Variants in KIF26B observed in about 807,000 individuals in gnomAD.
The protein encoded by KIF26B is kinesin family member 26B, also known as kinesin-like protein KIF26B.
KIF26B carries 63 observed loss-of-function variants against 151.2 expected under a neutral mutation model. The ratio of observed to expected loss-of-function variants is 0.42; its 90% CI spans 0.34 to 0.51. The LOEUF is 0.51. Among genes scored for constraint, KIF26B ranks in the 20% least tolerant of loss-of-function variants. KIF26B has a pLI of 0.07. For missense variants in KIF26B, 2,813 were observed against 2,913.6 expected (o/e 0.97, Z 0.79); for synonymous variants, 1,357 against 1,262.1 (o/e 1.08, Z -1.59).
At chr1:245,629,051 G>T (rs2043753198) in intron 9 of KIF26B, among the ~76,000 whole-genome samples, 1 of 152,078 alleles carries the variant, frequency 6.6e-6, no homozygotes, top group Non-Finnish European at 1.5e-5. Context: ...GAATGCGAAG[G>T]ACCCCTTCAA....
At chr1:245,174,503 T>C (rs114711265) in intron 2 of KIF26B, among the ~76,000 whole-genome samples, 2 of 150,248 alleles carry the variant, frequency 1.3e-5, no homozygotes, top group Non-Finnish European at 3.0e-5. Flanking sequence ...TATGTACTTA[T>C]TTATTTATTT....
chr1:245,561,874 A>C (rs934039006), intron 5 of KIF26B, among the ~76,000 whole-genome samples: 30 of 152,126 alleles, frequency 2.0e-4, no homozygotes, highest in Admixed American at 8.5e-4. Flanking sequence ...CCTGATTCTC[A>C]CTACTGACGT....
chr1:245,654,510 C>G (rs1001060830), intron 10 of KIF26B, among the ~76,000 whole-genome samples: 3 of 152,122 alleles, frequency 2.0e-5, no homozygotes, highest in African/African-American at 7.2e-5. Context: ...AAGCTTCACC[C>G]TATTTCATGA....
intron 3 of KIF26B, among the ~76,000 whole-genome samples, chr1:245,389,025 CCTCT>C (rs1157672163): frequency 6.6e-6 from 1 of 152,008 alleles, no homozygotes; most frequent in Non-Finnish European, 1.5e-5. Context: ...TCTGTCTCTC[CCTCT>C]CTCTCTCTTG....
At chr1:245,277,918 C>T (rs927252331) in intron 2 of KIF26B, among the ~76,000 whole-genome samples, 1 of 152,118 alleles carries the variant, frequency 6.6e-6, no homozygotes, top group Non-Finnish European at 1.5e-5. Flanking sequence ...TTCTTGTCCC[C>T]TTTCATGGTC....
intron 2 of KIF26B, among the ~76,000 whole-genome samples, chr1:245,179,207 A>C (rs934685911): frequency 1.3e-5 from 2 of 152,204 alleles, no homozygotes; most frequent in Non-Finnish European, 2.9e-5. Flanking sequence ...AATTCTCCAG[A>C]GAATGCTTTA....
At chr1:245,373,409 G>A (rs961245326) in intron 3 of KIF26B, among the ~76,000 whole-genome samples, 7 of 152,164 alleles carry the variant, frequency 4.6e-5, no homozygotes, top group African/African-American at 1.7e-4. Flanking sequence ...GAACCTCGCT[G>A]GCATTTCGAT....
At chr1:245,399,248 A>G (rs950894191) in intron 3 of KIF26B, among the ~76,000 whole-genome samples, 2 of 152,052 alleles carry the variant, frequency 1.3e-5, no homozygotes, top group Non-Finnish European at 1.5e-5. Flanking sequence ...GGTATTTCTT[A>G]TTTAGGGTAC....
chr1:245,383,763 G>C (rs983815050), intron 3 of KIF26B, among the ~76,000 whole-genome samples: 1 of 152,198 alleles, frequency 6.6e-6, no homozygotes, highest in Admixed American at 6.5e-5. Flanking sequence ...ATGAACGGTG[G>C]TTGCTGGTGC....
intron 4 of KIF26B, among the ~76,000 whole-genome samples, chr1:245,521,112 C>G (rs568769959): frequency 6.6e-6 from 1 of 152,026 alleles, no homozygotes; most frequent in Non-Finnish European, 1.5e-5. Flanking sequence ...CCGAGGCGGG[C>G]GGATCACGAG....
At position 245,241,963 on chromosome 1, in the gene KIF26B, G is replaced by A. The variant is rs79507049; in HGVS notation, c.465+85280G>A. ...CGTTGTCATTCCTTGAAATTCTCAC[G>A]CCTTCTAGATCCTCTGTGCTTTTCA... On this transcript the variant is annotated intron_variant, in intron 2 of 14. Transcript: ENST00000407071. This position sits in a 1 kb window ranked among gnomAD's most constrained non-coding sequence, Gnocchi z 5.0. Among the ~76,000 whole-genome samples the A allele has an allele frequency of 8.1e-4, 123 of 152,156 alleles. 1 individual carries two copies. Among genetic ancestry groups the A allele is most frequent in the African/African-American group, 2.8e-3 (117 of 41,514 alleles).
intron 3 of KIF26B, among the ~76,000 whole-genome samples, chr1:245,417,834 A>C (rs1191630493): frequency 6.6e-6 from 1 of 152,188 alleles, no homozygotes; most frequent in South Asian, 2.1e-4. Context: ...TTTGCAGGGC[A>C]CCTGCAGGAC....
intron 2 of KIF26B, among the ~76,000 whole-genome samples, chr1:245,184,353 TAGCTC>T (rs1668966103): frequency 6.6e-6 from 1 of 152,060 alleles, no homozygotes; most frequent in African/African-American, 2.4e-5. Context: ...TTGCAAGAAA[TAGCTC>T]AGCCCTATAG....
Position 245,367,238 on chromosome 1 carries a change from C to A in KIF26B, c.870C>A (p.Val290=). ...GGTCCCCAACCCACCAGGCCAAGGT[C>A]AGCCTCCAGATGGCCACCAGTCCAA... The part of the protein sequence containing the change: ...KSGSPTHQAK[V]SLQMATSPSN... Residue 290 remains valine (V), a synonymous_variant, in exon 3 of 15, where the codon GTC becomes GTA. Transcript: ENST00000407071. This position sits in a 1 kb window ranked among gnomAD's most constrained non-coding sequence, Gnocchi z 4.2. 2.5e-6 allele frequency: 4 copies of A among 1,608,858 alleles called. No individual in the cohort carries two copies. Among genetic ancestry groups the A allele is most frequent in the Non-Finnish European group, 2.5e-6 (3 of 1,177,634 alleles).
chr1:245,204,985 T>A (rs532723268), intron 2 of KIF26B, among the ~76,000 whole-genome samples: 1 of 151,698 alleles, frequency 6.6e-6, no homozygotes, highest in South Asian at 2.1e-4. Context: ...GGAGTCTTGC[T>A]ATGTTGCCCA....
At position 245,244,784 on chromosome 1, in the gene KIF26B, A is replaced by ACG. The variant is rs1278086191; in HGVS notation, c.465+88102_465+88103insGC. ...CACACACACACACACACACACACAC[A>ACG]CACACACAGAACTGCTTTGGACTTG... On this transcript the variant is annotated intron_variant, in intron 2 of 14. Coordinates refer to ENST00000407071, the MANE Select transcript of KIF26B (RefSeq NM_018012.4). The surrounding 1 kb of genome is among the most constrained non-coding windows in gnomAD (Gnocchi z 4.2). Among the ~76,000 whole-genome samples the ACG allele has an allele frequency of 1.3e-5, 2 of 150,564 alleles. No individual in the cohort carries two copies. The highest frequency in any genetic ancestry group is 1.3e-4 in the Admixed American group (2 of 15,152).
At chr1:245,299,267 A>G (rs1671386642) in intron 2 of KIF26B, among the ~76,000 whole-genome samples, 1 of 151,322 alleles carries the variant, frequency 6.6e-6, no homozygotes, top group Admixed American at 6.6e-5. Context: ...TCCTTTTTCC[A>G]ATAAGTGTGA....
chr1:245,542,063 A>G (rs996919866), intron 5 of KIF26B, among the ~76,000 whole-genome samples: 1 of 152,202 alleles, frequency 6.6e-6, no homozygotes, highest in African/African-American at 2.4e-5. Flanking sequence ...TTAAGATTAC[A>G]TGGAATAGGT....
chr1:245,539,041 G>A (rs915110846), intron 4 of KIF26B, among the ~76,000 whole-genome samples: 1 of 152,070 alleles, frequency 6.6e-6, no homozygotes, highest in Non-Finnish European at 1.5e-5. Context: ...TCTTTTCACT[G>A]ATTGAAAAGA....
Sources: gnomAD v4.1 joint callset for allele counts (sites outside exome capture counted in the v4.1 genomes callset) on GRCh38, gnomAD v4.1.1 for gene constraint, Gnocchi (gnomAD v3.1) non-coding constraint, MANE v1.5 for transcripts, NCBI Gene and HGNC (gene_info 2026-07-23, HGNC 2026-07-21) for gene names.